The following TACC2 variants were observed in gnomAD, a reference collection of about 807,000 sequenced individuals.
TACC2 encodes transforming acidic coiled-coil-containing protein 2.
A neutral mutation model predicts 227.3 loss-of-function variants in TACC2; 137 were observed. The observed-to-expected ratio is 0.60, with a 90% CI of 0.52 to 0.69. TACC2 has a LOEUF of 0.69. TACC2 is among the 30% of genes least tolerant of loss of function. TACC2 has a pLI of 0.00. For synonymous variants in TACC2, 1,523 were observed against 1,487.5 expected, an observed-to-expected ratio of 1.02 and a Z score of -0.55; for missense variants, 3,470 against 3,694.4, an observed-to-expected ratio of 0.94 and a Z score of 1.57.
At chr10:122,173,183 G>A (rs1224710019) in intron 7 of TACC2, among the ~76,000 whole-genome samples, 2 of 152,154 alleles carry the variant, frequency 1.3e-5, no homozygotes, top group Admixed American at 6.5e-5. Context: ...CCTCACCCCA[G>A]ACAACCCCAA....
At chr10:122,221,411 A>G (rs1195266517) in intron 11 of TACC2, among the ~76,000 whole-genome samples, 1 of 152,178 alleles carries the variant, frequency 6.6e-6, no homozygotes, top group Non-Finnish European at 1.5e-5. Context: ...TTTTAGATTC[A>G]GAAGTCTCAG....
intron 7 of TACC2, among the ~76,000 whole-genome samples, chr10:122,155,320 G>C (rs1468244361): frequency 6.6e-6 from 1 of 152,192 alleles, no homozygotes; most frequent in Admixed American, 6.5e-5. Flanking sequence ...TTCCTTAAAA[G>C]GCCTTTTATT....
intron 3 of TACC2, among the ~76,000 whole-genome samples, chr10:122,057,488 AG>A (rs2076323844): frequency 6.6e-6 from 1 of 152,006 alleles, no homozygotes; most frequent in South Asian, 2.1e-4. Flanking sequence ...TCTTGGCCAA[AG>A]GGACCCTAAA....
chr10:122,198,568 G>A (rs2094659631), intron 8 of TACC2, among the ~76,000 whole-genome samples: 1 of 152,226 alleles, frequency 6.6e-6, no homozygotes, highest in South Asian at 2.1e-4. Flanking sequence ...AGGTGAGGGA[G>A]GATCAGCCGT....
At chr10:121,989,758 T>TGGG (rs1565010500) in intron 1 of TACC2, among the ~76,000 whole-genome samples, 34 of 152,046 alleles carry the variant, frequency 2.2e-4, no homozygotes, top group East Asian at 1.5e-3. Context: ...AATTTTATTT[T>TGGG]TTTTTTTTAT....
chr10:122,082,731 G>C lies in TACC2; in HGVS notation c.231G>C (p.Val77=). 1 of 1,614,076 alleles carries C rather than the reference G, an allele frequency of 6.2e-7. No individual in the cohort carries two copies. Among genetic ancestry groups the C allele is most frequent in the Non-Finnish European group, 8.5e-7 (1 of 1,180,022 alleles). The part of the protein sequence containing the change: ...SLDPCLVSPE[V]TEPRKDPQGA... Reference sequence around the variant, plus strand: ...ATCCATGCCTTGTGTCCCCAGAGGTGACTGAGCCAAGGAAGGACCCACAGG... The same window carrying C: ...ATCCATGCCTTGTGTCCCCAGAGGTCACTGAGCCAAGGAAGGACCCACAGG... Residue 77 remains valine, a synonymous_variant, in exon 4 of 23, where the codon GTG becomes GTC. Transcript: ENST00000369005.
At chr10:122,227,209 T>C (rs1241456066) in intron 13 of TACC2, among the ~76,000 whole-genome samples, 1 of 152,168 alleles carries the variant, frequency 6.6e-6, no homozygotes, top group Non-Finnish European at 1.5e-5. Context: ...ATTATTGATA[T>C]GGGTGTTCAT....
At chr10:122,196,090 CTG>C (rs1293612823) in intron 8 of TACC2, among the ~76,000 whole-genome samples, 1 of 152,248 alleles carries the variant, frequency 6.6e-6, no homozygotes, top group African/African-American at 2.4e-5. Context: ...CGAGGGCAAA[CTG>C]TACCTGAGAA....
chr10:122,004,662 C>T (rs1166487399), intron 1 of TACC2, among the ~76,000 whole-genome samples: 2 of 152,084 alleles, frequency 1.3e-5, no homozygotes, highest in Non-Finnish European at 2.9e-5. Flanking sequence ...CAATTAGCAG[C>T]ACCCATTCCC....
In TACC2 at chr10:122,029,681, C is replaced by G. The variant is rs570476536; in HGVS notation, c.33+7667C>G. ...CGGGCACGCCTCCCAGTAATTTCCA[C>G]TTAAAGGAATGTTCTGTCTTGTGTT... On this transcript the variant is annotated intron_variant, in intron 2 of 22. Transcript: ENST00000369005. Among the ~76,000 whole-genome samples, 10 of 152,264 alleles carry G rather than the reference C, an allele frequency of 6.6e-5. No homozygotes were observed. In the South Asian group the frequency reaches 1.7e-3, roughly 25 times the overall value.
At chr10:122,131,747 C>T (rs1218754310) in intron 5 of TACC2, among the ~76,000 whole-genome samples, 5 of 152,078 alleles carry the variant, frequency 3.3e-5, no homozygotes, top group South Asian at 2.1e-4. Flanking sequence ...AGGGGCCAGG[C>T]GTGGTGGCTC....
intron 1 of TACC2, among the ~76,000 whole-genome samples, chr10:121,995,661 T>A (rs1360170646): frequency 6.6e-6 from 1 of 152,198 alleles, no homozygotes; most frequent in East Asian, 1.9e-4. Flanking sequence ...TGGCGTCTGC[T>A]GCCGTCTCAG....
chr10:122,008,264 A>ATTATTTTTTTTTTTTTTTTTTTTTTTTT, intron 1 of TACC2, among the ~76,000 whole-genome samples: 1 of 134,654 alleles, frequency 7.4e-6, no homozygotes, highest in African/African-American at 2.8e-5. Context: ...TATTATTATT[A>ATTATTTTTTTTTTTTTTTTTTTTTTTTT]TTTTTTTTTT....
At chr10:122,059,262 G>A (rs1420484924) in intron 3 of TACC2, among the ~76,000 whole-genome samples, 1 of 151,844 alleles carries the variant, frequency 6.6e-6, no homozygotes, top group African/African-American at 2.4e-5. Context: ...TTCTGAGGAG[G>A]GAAATTTAAG....
At chr10:122,129,349 C>T (rs1020430168) in intron 5 of TACC2, among the ~76,000 whole-genome samples, 5 of 152,028 alleles carry the variant, frequency 3.3e-5, no homozygotes, top group Non-Finnish European at 5.9e-5. Flanking sequence ...TGAGCTACTG[C>T]GCCCGGCCTA....
chr10:122,048,215 C>T (rs938600768), intron 2 of TACC2, among the ~76,000 whole-genome samples: 3 of 152,168 alleles, frequency 2.0e-5, no homozygotes, highest in East Asian at 1.9e-4. Flanking sequence ...TGGGGACCCT[C>T]CCTTCCTGGG....
intron 2 of TACC2, among the ~76,000 whole-genome samples, chr10:122,032,351 G>T (rs193164766): frequency 6.6e-6 from 1 of 152,038 alleles, no homozygotes; most frequent in Non-Finnish European, 1.5e-5. Context: ...CACACTCCCC[G>T]TCGCACCCAG....
intron 3 of TACC2, among the ~76,000 whole-genome samples, chr10:122,072,834 G>A (rs1042341677): frequency 2.6e-5 from 4 of 151,948 alleles, no homozygotes; most frequent in Non-Finnish European, 5.9e-5. Flanking sequence ...TATAAATGAG[G>A]GCCGGGCGTG....
At chr10:122,100,882 C>G (rs2082061581) in intron 5 of TACC2, among the ~76,000 whole-genome samples, 1 of 152,144 alleles carries the variant, frequency 6.6e-6, no homozygotes, top group Non-Finnish European at 1.5e-5. Flanking sequence ...CTCTGGGTGA[C>G]CCCTCTGCCT....
Sources: allele counts gnomAD v4.1 joint callset (sites outside exome capture counted in the v4.1 genomes callset), GRCh38; gene constraint gnomAD v4.1.1; transcripts MANE v1.5; gene names NCBI Gene and HGNC (gene_info 2026-07-23, HGNC 2026-07-21).